The following OLFML2B variants were observed in gnomAD, a reference collection of about 807,000 sequenced individuals.
OLFML2B encodes the protein olfactomedin-like protein 2B.
In OLFML2B, 57 loss-of-function variants were observed where a neutral mutation model predicts 74.9. The ratio of observed to expected loss-of-function variants is 0.76; its 90% CI spans 0.61 to 0.95. OLFML2B has a LOEUF of 0.95. Among genes scored for constraint, OLFML2B ranks in the 40% least tolerant of loss-of-function variants. The pLI, the probability that OLFML2B is intolerant of heterozygous loss-of-function variation, is 0.00. For synonymous variants in OLFML2B, 388 were observed against 405.8 expected (o/e 0.96, Z 0.53); for missense variants, 986 against 970.6 (o/e 1.02, Z -0.21).
At chr1:162,003,313 C>T (rs149307049) in intron 4 of OLFML2B, among the ~76,000 whole-genome samples, 171 of 152,346 alleles carry the variant, frequency 1.1e-3, no homozygotes, top group African/African-American at 4.1e-3. Context: ...GTGACTCAGA[C>T]GCTGAACGGC....
chr1:162,010,509 T>C (rs1372151442), intron 3 of OLFML2B, among the ~76,000 whole-genome samples: 1 of 152,128 alleles, frequency 6.6e-6, no homozygotes, highest in South Asian at 2.1e-4. Flanking sequence ...GGCTGGTGTT[T>C]TGACAAGCCA....
chr1:162,012,026 A>G (rs1690404426), intron 3 of OLFML2B, among the ~76,000 whole-genome samples: 1 of 152,228 alleles, frequency 6.6e-6, no homozygotes, highest in Non-Finnish European at 1.5e-5. Flanking sequence ...TAAGATGTAA[A>G]TTGAATTAAA....
At chr1:162,004,166 C>T (rs1221940594) in intron 4 of OLFML2B, among the ~76,000 whole-genome samples, 1 of 152,180 alleles carries the variant, frequency 6.6e-6, no homozygotes, top group Admixed American at 6.5e-5. Context: ...CCTGGCTCCA[C>T]TGGGCAGCTG....
At chr1:162,018,423 T>C (rs754550629) in intron 2 of OLFML2B, among the ~76,000 whole-genome samples, 1 of 152,226 alleles carries the variant, frequency 6.6e-6, no homozygotes, top group Non-Finnish European at 1.5e-5. Flanking sequence ...ACCCTGAGGA[T>C]GTGCTTCTGA....
In OLFML2B at chr1:161,984,118, C is replaced by T. The variant is rs749738396; in HGVS notation, c.1810G>A (p.Val604Met). ...CAGGGGGTGGCCTCCTCGTAGGCCACGTCATGCAGCATGGCCCAGGCAGCC... is the reference window on the plus strand; with the variant it reads ...CAGGGGGTGGCCTCCTCGTAGGCCATGTCATGCAGCATGGCCCAGGCAGCC... ...YVAAWAMLHD[V>M]AYEEATPWRW... is the part of the protein sequence containing the mutation. Residue 604 changes from valine to methionine, a missense_variant, in exon 8 of 8, where the codon GTG becomes ATG. Coordinates refer to ENST00000294794, the MANE Select transcript of OLFML2B (RefSeq NM_015441.3). The T allele has an allele frequency of 1.6e-5, 26 of 1,610,938 alleles. No individual in the cohort carries two copies. The highest frequency in any genetic ancestry group is 2.2e-5 in the Non-Finnish European group (26 of 1,178,028).
At chr1:162,009,041 A>C (rs1690306598) in intron 3 of OLFML2B, among the ~76,000 whole-genome samples, 1 of 152,180 alleles carries the variant, frequency 6.6e-6, no homozygotes, top group Admixed American at 6.5e-5. Flanking sequence ...CTTTTTATTA[A>C]GGCGTTCACG....
chr1:162,004,502 T>G (rs567785831), intron 4 of OLFML2B, among the ~76,000 whole-genome samples: 2 of 152,298 alleles, frequency 1.3e-5, no homozygotes, highest in East Asian at 3.9e-4. Context: ...TTGAGTTACA[T>G]ATTGGGGAGG....
rs1689982802 is a variant in OLFML2B, at chr1:161,998,351, T to C, written c.950-2A>G. 2 of 1,544,872 alleles carry C rather than the reference T, an allele frequency of 1.3e-6. No homozygotes were observed. The highest frequency in any genetic ancestry group is 2.5e-5 in the South Asian group (2 of 81,098). Reference sequence around the variant, plus strand: ...TGTCACCGCTGAAAAACTCATCTTCTGTGAAACAAACACAAGGTTCACTGT... The same window carrying C: ...TGTCACCGCTGAAAAACTCATCTTCCGTGAAACAAACACAAGGTTCACTGT... On this transcript the variant is annotated splice_acceptor_variant, in intron 5 of 7. Transcript: ENST00000294794. LOFTEE classifies it high-confidence loss of function.
chr1:162,020,108 G>A lies in OLFML2B; in HGVS notation c.249C>T (p.Pro83=). 1 of 1,614,146 alleles carries A rather than the reference G, an allele frequency of 6.2e-7. No homozygotes were observed. The highest frequency in any genetic ancestry group is 8.5e-7 in the Non-Finnish European group (1 of 1,180,032). Residue 83 remains proline (P), a synonymous_variant, in exon 2 of 8, where the codon CCC becomes CCT. Coordinates refer to ENST00000294794, the MANE Select transcript of OLFML2B (RefSeq NM_015441.3). The part of the protein sequence containing the change: ...SDCQCKCVVR[P]LGRDACQRIN... Reference sequence around the variant, plus strand: ...TCCTCTGGCAGGCATCCCGGCCCAGGGGTCTCACCACACACTTGCACTGAC... The same window carrying A: ...TCCTCTGGCAGGCATCCCGGCCCAGAGGTCTCACCACACACTTGCACTGAC...
At chr1:162,019,768 C>T (rs1690643774) in intron 2 of OLFML2B, 151 bp downstream of exon 2, 2 of 996,474 alleles carry the variant, frequency 2.0e-6, no homozygotes, top group Non-Finnish European at 2.9e-6. Context: ...GACAAGTTTG[C>T]TAGGACATCA....
chr1:161,985,150 C>CACCCTACACTTG (rs1168631438), intron 6 of OLFML2B, 170 bp from the exon 7 acceptor site: 5 of 592,828 alleles, frequency 8.4e-6, no homozygotes, highest in Non-Finnish European at 1.1e-5. Context: ...TCCCCTGATC[C>CACCCTACACTTG]ACCCTACACT....
chr1:162,013,795 A>G (rs1690457474), intron 3 of OLFML2B, among the ~76,000 whole-genome samples: 1 of 152,118 alleles, frequency 6.6e-6, no homozygotes, highest in Non-Finnish European at 1.5e-5. Context: ...ATATTCATAC[A>G]ATAGAATACT....
intron 3 of OLFML2B, among the ~76,000 whole-genome samples, chr1:162,017,000 A>G (rs1257997373): frequency 6.6e-6 from 1 of 152,254 alleles, no homozygotes; most frequent in Admixed American, 6.5e-5. Flanking sequence ...ATACAGGGGT[A>G]TGCACCAGAA....
intron 3 of OLFML2B, among the ~76,000 whole-genome samples, chr1:162,014,466 T>C (rs116090044): frequency 1.9e-3 from 290 of 152,318 alleles, no homozygotes; most frequent in African/African-American, 6.7e-3. Flanking sequence ...CCATTGATCT[T>C]ACTCTGGGCA....
rs1442337958 is a variant in OLFML2B, at chr1:162,020,103, C to T, written c.254G>A (p.Gly85Asp). Reference protein sequence around the residue: ...CQCKCVVRPLGRDACQRINAG... With the variant: ...CQCKCVVRPLDRDACQRINAG... ...ATTGATCCTCTGGCAGGCATCCCGG[C>T]CCAGGGGTCTCACCACACACTTGCA... Residue 85 changes from glycine (G) to aspartate (D), a missense_variant, in exon 2 of 8, where the codon GGC becomes GAC. Gly to Asp is a moderately conservative substitution (Grantham distance 94). Coordinates refer to ENST00000294794, the MANE Select transcript of OLFML2B (RefSeq NM_015441.3). 12 of 1,614,096 alleles carry T rather than the reference C, an allele frequency of 7.4e-6. No homozygotes were observed. Among genetic ancestry groups the T allele is most frequent in the Middle Eastern group, 1.6e-4 (1 of 6,084 alleles).
At chr1:162,015,362 T>C (rs1690501403) in intron 3 of OLFML2B, among the ~76,000 whole-genome samples, 1 of 152,168 alleles carries the variant, frequency 6.6e-6, no homozygotes. Flanking sequence ...CTGTGGTCCT[T>C]GGACAAGCCC....
At chr1:162,007,899 G>A (rs1467854386) in intron 3 of OLFML2B, among the ~76,000 whole-genome samples, 1 of 152,228 alleles carries the variant, frequency 6.6e-6, no homozygotes, top group East Asian at 1.9e-4. Context: ...GGCTCAGTGT[G>A]TTCCATGGCA....
chr1:162,015,655 C>G (rs1346599055), intron 3 of OLFML2B, among the ~76,000 whole-genome samples: 1 of 152,210 alleles, frequency 6.6e-6, no homozygotes, highest in Non-Finnish European at 1.5e-5. Flanking sequence ...TTGAATGTAT[C>G]TGAAAGAACC....
At chr1:162,009,658 G>A (rs905288654) in intron 3 of OLFML2B, among the ~76,000 whole-genome samples, 6 of 152,316 alleles carry the variant, frequency 3.9e-5, no homozygotes, top group African/African-American at 9.6e-5. Flanking sequence ...CCTGCCAGCC[G>A]CCTGAATAAA....
Sources: allele counts gnomAD v4.1 joint callset (sites outside exome capture counted in the v4.1 genomes callset), GRCh38; gene constraint gnomAD v4.1.1; transcripts MANE v1.5; gene names NCBI Gene and HGNC (gene_info 2026-07-23, HGNC 2026-07-21).